The following WDR4 variants were observed in gnomAD, a reference collection of about 807,000 sequenced individuals.
The protein encoded by WDR4 is WDR4 tRNA N7-guanosine methyltransferase non-catalytic subunit, also known as tRNA (guanine-N(7)-)-methyltransferase non-catalytic subunit WDR4.
In WDR4, 47 loss-of-function variants were observed where a neutral mutation model predicts 48.6. The ratio of observed to expected loss-of-function variants is 0.97; its 90% CI spans 0.77 to 1.23. The LOEUF (loss-of-function observed/expected upper bound fraction) is 1.23. WDR4 is among the 50% of genes most tolerant of loss of function. The probability of loss-of-function intolerance (pLI) is 0.00; values close to 1 mark genes in which losing one functional copy is unlikely to be tolerated. For missense variants in WDR4, 606 were observed against 551.6 expected, an observed-to-expected ratio of 1.10 and a Z score of -0.99; for synonymous variants, 268 against 230.0, an observed-to-expected ratio of 1.17 and a Z score of -1.49.
chr21:42,859,825 C>T, intron 5 of WDR4, 103 bp from the exon 6 acceptor site: 1 of 1,149,386 alleles, frequency 8.7e-7, no homozygotes, highest in South Asian at 1.3e-5. Flanking sequence ...GAAGCCTCTG[C>T]CCTAAACCCC....
chr21:42,865,003 C>T (rs2058216448), intron 3 of WDR4, among the ~76,000 whole-genome samples: 1 of 152,154 alleles, frequency 6.6e-6, no homozygotes, highest in Non-Finnish European at 1.5e-5. Context: ...CCCACTGCGG[C>T]TGGAAATTGA....
intron 1 of WDR4, among the ~76,000 whole-genome samples, chr21:42,877,538 A>G (rs2058523501): frequency 6.6e-6 from 1 of 151,980 alleles, no homozygotes; most frequent in Non-Finnish European, 1.5e-5. Context: ...CACTCATTAA[A>G]TTAAAAGTTG....
intron 3 of WDR4, among the ~76,000 whole-genome samples, chr21:42,872,165 G>T (rs1268238074): frequency 6.6e-6 from 1 of 152,004 alleles, no homozygotes; most frequent in Non-Finnish European, 1.5e-5. Context: ...TGTATTTTTA[G>T]TAGAGACGGG....
At chr21:42,892,673 C>T in the WDR4 span, among the ~76,000 whole-genome samples, 8 of 152,302 alleles carry the variant, frequency 5.3e-5, no homozygotes, top group South Asian at 1.7e-3. Flanking sequence ...TCCACAATTA[C>T]GACTAACGTT....
chr21:42,876,652 C>T (rs1299249694), intron 2 of WDR4, 50 bp downstream of exon 2: 2 of 1,549,006 alleles, frequency 1.3e-6, no homozygotes, highest in Admixed American at 1.8e-5. Context: ...CCTCTGGTCC[C>T]ATTATCGAAC....
intron 3 of WDR4, among the ~76,000 whole-genome samples, chr21:42,872,328 G>A (rs555985554): frequency 6.6e-6 from 1 of 152,182 alleles, no homozygotes; most frequent in African/African-American, 2.4e-5. Context: ...AATAAGATGA[G>A]GCTGGGAGCG....
At chr21:42,871,609 G>A (rs1031420276) in intron 3 of WDR4, among the ~76,000 whole-genome samples, 1 of 152,218 alleles carries the variant, frequency 6.6e-6, no homozygotes, top group African/African-American at 2.4e-5. Context: ...CAGCAGTCAG[G>A]TGGAAGCAGC....
rs1033519943 is a variant in WDR4, at chr21:42,852,051, G to A, written c.1045+204C>T. 3.3e-5 allele frequency among the ~76,000 whole-genome samples: 5 copies of A among 152,206 alleles called. No individual in the cohort carries two copies. Among genetic ancestry groups the A allele is most frequent in the African/African-American group, 9.6e-5 (4 of 41,460 alleles). The stretch of plus-strand genomic sequence containing the variant: ...CCCGGTTCCTAAGTGGCTCTCGTTA[G>A]CCTGACTCCCATGGGGGGCTCCTTC... On this transcript the variant is annotated intron_variant, in intron 10 of 10. Transcript: ENST00000398208.
At chr21:42,880,794 C>T (rs1051215079), upstream of WDR4, among the ~76,000 whole-genome samples, 5 of 152,102 alleles carry the variant, frequency 3.3e-5, no homozygotes, top group African/African-American at 1.2e-4. Context: ...GCCCACAGAC[C>T]TTTTTTCACT....
At chr21:42,885,122 T>C in the WDR4 span, among the ~76,000 whole-genome samples, 1 of 152,162 alleles carries the variant, frequency 6.6e-6, no homozygotes, top group Non-Finnish European at 1.5e-5. Context: ...TGAACTGTTA[T>C]ATTCTACTGT....
chr21:42,885,995 C>T, the WDR4 span, among the ~76,000 whole-genome samples: 1 of 139,680 alleles, frequency 7.2e-6, no homozygotes, highest in South Asian at 2.2e-4. Context: ...CTTGCTCTGT[C>T]ACCCAGGCTG....
intron 6 of WDR4, 61 bp downstream of exon 6, chr21:42,859,601 A>T: frequency 2.6e-6 from 1 of 382,344 alleles, no homozygotes. Flanking sequence ...GGAGGCGCCC[A>T]CCCCACCCTC....
downstream of WDR4, among the ~76,000 whole-genome samples, chr21:42,845,271 T>C (rs145771318): frequency 1.4e-3 from 214 of 152,320 alleles, no homozygotes; most frequent in South Asian, 2.7e-3. Flanking sequence ...CCCTAAATGT[T>C]TGGAAATTAA....
At chr21:42,879,183 G>A (rs951277530) in intron 1 of WDR4, 41 of 1,332,818 alleles carry the variant, frequency 3.1e-5, no homozygotes, top group Non-Finnish European at 3.3e-5. Context: ...GGAGCGCGCC[G>A]GAGCCGGGGA....
intron 2 of WDR4, among the ~76,000 whole-genome samples, chr21:42,874,403 A>G (rs1209370366): frequency 6.6e-6 from 1 of 152,198 alleles, no homozygotes; most frequent in Non-Finnish European, 1.5e-5. Context: ...GTGTTTGAAC[A>G]ATATGAAATC....
At chr21:42,886,259 G>A in the WDR4 span, among the ~76,000 whole-genome samples, 2 of 152,056 alleles carry the variant, frequency 1.3e-5, no homozygotes, top group African/African-American at 4.8e-5. Flanking sequence ...GCCCAGCCTA[G>A]ATTTTTTTTA....
chr21:42,874,767 C>A (rs1026533191), intron 2 of WDR4, among the ~76,000 whole-genome samples: 15 of 152,092 alleles, frequency 9.9e-5, no homozygotes, highest in African/African-American at 3.4e-4. Flanking sequence ...ACCCTGTCTC[C>A]TGATAAGATG....
chr21:42,859,597 G>GCCCCCCCC, intron 6 of WDR4, 65 bp downstream of exon 6: 17 of 708,186 alleles, frequency 2.4e-5, no homozygotes, highest in Non-Finnish European at 3.1e-5. Context: ...TCCAGGAGGC[G>GCCCCCCCC]CCCACCCCAC....
chr21:42,878,288 G>A (rs144527456), intron 1 of WDR4, among the ~76,000 whole-genome samples: 43 of 152,176 alleles, frequency 2.8e-4, no homozygotes, highest in African/African-American at 1.0e-3. Context: ...AGCCTTTAAA[G>A]CGAGTGCACC....
Sources: allele counts gnomAD v4.1 joint callset (sites outside exome capture counted in the v4.1 genomes callset), GRCh38; gene constraint gnomAD v4.1.1; transcripts MANE v1.5; gene names NCBI Gene and HGNC (gene_info 2026-07-23, HGNC 2026-07-21).